The following ZNF490 variants were observed in gnomAD, a reference collection of about 807,000 sequenced individuals.
ZNF490 encodes zinc finger protein 490.
In ZNF490, 11 loss-of-function variants were observed where a neutral mutation model predicts 17.7. The ratio of observed to expected loss-of-function variants is 0.62; its 90% CI spans 0.39 to 1.03. The LOEUF is 1.03. Ranked by LOEUF, ZNF490 falls within the 50% of genes least tolerant of loss-of-function variation. The pLI is 0.00. For missense variants in ZNF490, 542 were observed against 643.4 expected (o/e 0.84, Z 1.71); for synonymous variants, 222 against 216.1 (o/e 1.03, Z -0.24).
chr19:12,578,255 G>C lies in ZNF490; in HGVS notation c.*2230C>G. ...ATGTGCCAGAAAACAGGGAAAGCAA[G>C]TTAGGGGAGGTAAGAATTCTGAGTG... is the stretch of plus-strand genomic sequence containing the variant. On this transcript the variant is annotated 3_prime_UTR_variant, in exon 5 of 5. Transcript: ENST00000311437. 1 of 985,606 alleles carries C rather than the reference G, an allele frequency of 1.0e-6. No individual in the cohort carries two copies. Among genetic ancestry groups the C allele is most frequent in the Non-Finnish European group, 1.2e-6 (1 of 830,060 alleles). The allele number at this position is 985,606 out of a possible 1,614,324, so 61.1% of individuals were successfully genotyped here. A position where few individuals can be genotyped will look rare whatever the true frequency, so the allele number is the denominator to read the frequency against.
At chr19:12,584,409 G>A (rs2022791125) in intron 2 of ZNF490, among the ~76,000 whole-genome samples, 2 of 92,888 alleles carry the variant, frequency 2.2e-5, no homozygotes, top group Admixed American at 2.0e-4. Flanking sequence ...GCCCCCCTCG[G>A]CCTCCCAAAG....
chr19:12,582,722 C>A lies in ZNF490; in HGVS notation c.350+128G>T. ...CATGACAGTTTCAATGAAACACCTTCAGTAAAAATTTTCTAAGAATGAATA... is the reference window on the plus strand; with the variant it reads ...CATGACAGTTTCAATGAAACACCTTAAGTAAAAATTTTCTAAGAATGAATA... On this transcript the variant is annotated intron_variant, in intron 4 of 4. Transcript: ENST00000311437. The A allele has an allele frequency of 3.5e-6, 3 of 853,220 alleles. No individual in the cohort carries two copies. The South Asian group carries it at 4.3e-5, about 12-fold the overall frequency. The allele number at this position is 853,220 out of a possible 1,614,324, so 52.9% of individuals were successfully genotyped here. A position where few individuals can be genotyped will look rare whatever the true frequency, so the allele number is the denominator to read the frequency against.
intron 2 of ZNF490, among the ~76,000 whole-genome samples, chr19:12,591,514 A>G (rs934327886): frequency 1.3e-5 from 2 of 152,270 alleles, no homozygotes; most frequent in African/African-American, 4.8e-5. Flanking sequence ...TCCAACTACT[A>G]AAAGAACTAT....
chr19:12,580,265 T>C lies in ZNF490; in HGVS notation c.*220A>G, dbSNP rs2145137818. 1 of 1,322,642 alleles carries C rather than the reference T, an allele frequency of 7.6e-7. No homozygotes were observed. The allele number at this position is 1,322,642 out of a possible 1,614,324, so 81.9% of individuals were successfully genotyped here. On this transcript the variant is annotated 3_prime_UTR_variant, in exon 5 of 5. Transcript: ENST00000311437. The stretch of plus-strand genomic sequence containing the variant: ...CATACATTCGTAGCTTTTCTGTCCA[T>C]GGAGTCCATTCACATATCTGCAATC...
chr19:12,608,260 C>T (rs188657311), intron 2 of ZNF490, among the ~76,000 whole-genome samples: 111 of 152,144 alleles, frequency 7.3e-4, no homozygotes, highest in Non-Finnish European at 1.4e-3. Flanking sequence ...ACTATGCAAA[C>T]AAGTAAACAT....
rs5827155 is a variant in ZNF490 at position 12,582,257 on chromosome 19, CTT to C, written c.351-535_351-534del. Among the ~76,000 whole-genome samples the C allele has an allele frequency of 1.5e-3, 225 of 147,956 alleles. 1 individual carries two copies. Among genetic ancestry groups the C allele is most frequent in the African/African-American group, 4.2e-3 (168 of 40,408 alleles). ...CTTCTCACACCCTGAACATCTATTG[CTT>C]TTTTTTTTTTCCTGTAGAGACAGGT... On this transcript the variant is annotated intron_variant, in intron 4 of 4. Coordinates refer to ENST00000311437, the MANE Select transcript of ZNF490 (RefSeq NM_020714.3).
intron 2 of ZNF490, among the ~76,000 whole-genome samples, chr19:12,596,789 C>T (rs2022938862): frequency 6.6e-6 from 1 of 152,150 alleles, no homozygotes; most frequent in Non-Finnish European, 1.5e-5. Context: ...CCCTCCTCTC[C>T]CCTAGCTGCA....
chr19:12,592,062 G>A (rs2022879299), intron 2 of ZNF490, among the ~76,000 whole-genome samples: 1 of 152,198 alleles, frequency 6.6e-6, no homozygotes, highest in Admixed American at 6.5e-5. Flanking sequence ...TATCAGCTGG[G>A]CGCGGTGGCT....
intron 2 of ZNF490, chr19:12,597,302 A>G (rs2022946665): frequency 1.9e-5 from 8 of 416,608 alleles, no homozygotes; most frequent in South Asian, 1.0e-4. Context: ...TCACACGCGC[A>G]TTCAGAGCTA....
At chr19:12,610,049 G>C in intron 1 of ZNF490, 1 of 429,288 alleles carries the variant, frequency 2.3e-6, no homozygotes, top group South Asian at 1.7e-5. Flanking sequence ...AAAAAACAAC[G>C]AAAACAAACC....
chr19:12,599,930 C>T (rs2022981106), intron 2 of ZNF490, among the ~76,000 whole-genome samples: 1 of 152,064 alleles, frequency 6.6e-6, no homozygotes, highest in Non-Finnish European at 1.5e-5. Flanking sequence ...AAAATAAAAG[C>T]ACAACGGCTT....
intron 2 of ZNF490, among the ~76,000 whole-genome samples, chr19:12,593,588 C>T (rs1285875315): frequency 6.6e-6 from 1 of 152,158 alleles, no homozygotes; most frequent in African/African-American, 2.4e-5. Flanking sequence ...AGGTGCAACT[C>T]TTAGACAATC....
chr19:12,589,574 T>C (rs2022842299), intron 2 of ZNF490, among the ~76,000 whole-genome samples: 1 of 150,408 alleles, frequency 6.6e-6, no homozygotes, highest in Non-Finnish European at 1.5e-5. Context: ...TCTTCTTTTT[T>C]TTTTTTTTTT....
intron 2 of ZNF490, among the ~76,000 whole-genome samples, chr19:12,592,670 C>T (rs2022886668): frequency 6.6e-6 from 1 of 152,166 alleles, no homozygotes; most frequent in Non-Finnish European, 1.5e-5. Flanking sequence ...TTTGCCAAAA[C>T]CCACAGATTG....
Position 12,576,198 on chromosome 19 carries a change from A to C in ZNF490, c.*4287T>G, listed in dbSNP as rs560624160. 5.9e-5 allele frequency among the ~76,000 whole-genome samples: 9 copies of C among 152,258 alleles called. No individual in the cohort carries two copies. In the South Asian group the frequency reaches 1.2e-3, roughly 21 times the overall value. ...AGTGTTAAGGGGGGTGCTCCCAGGG[A>C]AATCAGGCAAGAAAATGCAAGCATT... On this transcript the variant is annotated 3_prime_UTR_variant, in exon 5 of 5. Coordinates refer to ENST00000311437, the MANE Select transcript of ZNF490 (RefSeq NM_020714.3).
Position 12,581,005 on chromosome 19 carries a change from G to T in ZNF490, c.1070C>A (p.Thr357Asn), listed in dbSNP as rs1409903662. 1.9e-6 allele frequency: 3 copies of T among 1,614,030 alleles called. No individual in the cohort carries two copies. In the Admixed American group the frequency reaches 5.0e-5, roughly 27 times the overall value. Residue 357 changes from threonine (T) to asparagine (N), a missense_variant, in exon 5 of 5, where the codon ACC becomes AAC. Physicochemically the swap from Thr to Asn is moderately conservative, Grantham distance 65. Coordinates refer to ENST00000311437, the MANE Select transcript of ZNF490 (RefSeq NM_020714.3). ...CTTACATGTATAAGGTTGAACTCCG[G>T]TGTGGGTTTTCACGTGTTTTCGAAG... ...SSLRKHVKTH[T>N]GVQPYTCKKC...
chr19:12,598,005 C>A (rs376253124), intron 2 of ZNF490, among the ~76,000 whole-genome samples: 2 of 152,172 alleles, frequency 1.3e-5, no homozygotes, highest in Non-Finnish European at 2.9e-5. Flanking sequence ...GCGGGCGGAT[C>A]ACGAGGTCAA....
rs2022674263 is a variant in ZNF490 at position 12,578,415 on chromosome 19, A to G, written c.*2070T>C. On this transcript the variant is annotated 3_prime_UTR_variant, in exon 5 of 5. Transcript: ENST00000311437. ...TGTGTGGTCAAGGGGTGTGTGTCCC[A>G]TGATACAGGCTCTGCTTCTTCAGTC... The G allele has an allele frequency of 3.0e-6, 3 of 985,510 alleles. No individual in the cohort carries two copies. The highest frequency in any genetic ancestry group is 1.1e-4 in the East Asian group (1 of 8,812). The allele number at this position is 985,510 out of a possible 1,614,324, so 61.0% of individuals were successfully genotyped here.
chr19:12,601,112 G>A (rs2022996872), intron 2 of ZNF490, among the ~76,000 whole-genome samples: 1 of 151,668 alleles, frequency 6.6e-6, no homozygotes. Context: ...AAAAAGGCCA[G>A]GTGCGTTGGC....
Sources: allele counts gnomAD v4.1 joint callset (sites outside exome capture counted in the v4.1 genomes callset), GRCh38; gene constraint gnomAD v4.1.1; transcripts MANE v1.5; gene names NCBI Gene and HGNC (gene_info 2026-07-23, HGNC 2026-07-21).